The following PNPLA8 variants were observed in gnomAD, a reference collection of about 807,000 sequenced individuals.
PNPLA8 encodes the protein calcium-independent phospholipase A2-gamma.
A neutral mutation model predicts 76.9 loss-of-function variants in PNPLA8; 39 were observed. That is an observed-to-expected ratio of 0.51 (90% confidence interval 0.39 to 0.66). The LOEUF (loss-of-function observed/expected upper bound fraction) is 0.66. Among genes scored for constraint, PNPLA8 ranks in the 30% least tolerant of loss-of-function variants. PNPLA8 has a pLI of 0.00. For synonymous variants in PNPLA8, 301 were observed against 307.9 expected (o/e 0.98, Z 0.24); for missense variants, 887 against 918.0 (o/e 0.97, Z 0.44).
chr7:108,502,055 A>T (rs1861988382), intron 5 of PNPLA8, among the ~76,000 whole-genome samples: 1 of 152,178 alleles, frequency 6.6e-6, no homozygotes, highest in Non-Finnish European at 1.5e-5. Context: ...ATTAATTAAA[A>T]CAATTTCATG....
At chr7:108,480,111 A>C (rs1860290015) in intron 9 of PNPLA8, among the ~76,000 whole-genome samples, 1 of 152,216 alleles carries the variant, frequency 6.6e-6, no homozygotes, top group African/African-American at 2.4e-5. Flanking sequence ...TCATGCCTGT[A>C]ATCTCAGCAC....
At chr7:108,474,755 T>C (rs991731500) in intron 10 of PNPLA8, among the ~76,000 whole-genome samples, 1 of 152,240 alleles carries the variant, frequency 6.6e-6, no homozygotes, top group Non-Finnish European at 1.5e-5. Context: ...TATAAATCAA[T>C]TTCTGGACTC....
chr7:108,510,112 G>T, intron 4 of PNPLA8: 1 of 542,716 alleles, frequency 1.8e-6, no homozygotes, highest in Non-Finnish European at 3.2e-6. Flanking sequence ...CACCAGCATG[G>T]CACATGTATA....
intron 8 of PNPLA8, among the ~76,000 whole-genome samples, chr7:108,489,353 C>T (rs1412630533): frequency 1.3e-5 from 2 of 152,198 alleles, no homozygotes; most frequent in African/African-American, 4.8e-5. Flanking sequence ...AGGCACTAAT[C>T]TTTAAGAACT....
intron 2 of PNPLA8, among the ~76,000 whole-genome samples, chr7:108,516,168 A>G (rs1863329597): frequency 6.6e-6 from 1 of 152,242 alleles, no homozygotes; most frequent in African/African-American, 2.4e-5. Flanking sequence ...ACTACAGCAT[A>G]TAACATAGAA....
chr7:108,497,316 C>T (rs535032651), intron 6 of PNPLA8, among the ~76,000 whole-genome samples, 167 bp downstream of exon 6: 1 of 152,232 alleles, frequency 6.6e-6, no homozygotes, highest in South Asian at 2.1e-4. Context: ...ACCTAGTGTG[C>T]CTAACTGGCA....
intron 2 of PNPLA8, among the ~76,000 whole-genome samples, chr7:108,519,444 T>C (rs1174220045): frequency 2.6e-5 from 4 of 151,948 alleles, no homozygotes; most frequent in Admixed American, 6.6e-5. Context: ...TGTGCAGAGA[T>C]TACATGTAGT....
At chr7:108,526,925 A>G (rs1263294779), upstream of PNPLA8, among the ~76,000 whole-genome samples, 1 of 152,212 alleles carries the variant, frequency 6.6e-6, no homozygotes, top group Non-Finnish European at 1.5e-5. Context: ...ATTATATGAC[A>G]TTCATATTTG....
Position 108,471,208 on chromosome 7 carries a change from T to C in PNPLA8, c.*1193A>G, listed in dbSNP as rs1859607595. 1 of 148,858 alleles carries C rather than the reference T, an allele frequency of 6.7e-6. No individual in the cohort carries two copies. The highest frequency in any genetic ancestry group is 6.8e-5 in the Admixed American group (1 of 14,646). 9.2% of individuals were successfully genotyped at this position (148,858 alleles called of 1,614,324 possible). A position where few individuals can be genotyped will look rare whatever the true frequency, so the allele number is the denominator to read the frequency against. On this transcript the variant is annotated 3_prime_UTR_variant, in exon 11 of 11. Transcript: ENST00000257694. ...GTTAATAAGGTAAAACAAGCCTAACTTCTTCTTTTTTTTTTTTTTTTTTTT... is the reference window on the plus strand; with the variant it reads ...GTTAATAAGGTAAAACAAGCCTAACCTCTTCTTTTTTTTTTTTTTTTTTTT...
In PNPLA8 at chr7:108,514,194, G is replaced by T; in HGVS notation, c.1156C>A (p.Leu386Met). The T allele has an allele frequency of 1.2e-6, 2 of 1,609,064 alleles. No homozygotes were observed. Among genetic ancestry groups the T allele is most frequent in the Non-Finnish European group, 1.7e-6 (2 of 1,175,942 alleles). Residue 386 changes from leucine to methionine, a missense_variant, in exon 4 of 11, where the codon CTG (leucine) becomes ATG (methionine). Physicochemically the swap from Leu to Met is conservative, Grantham distance 15. Coordinates refer to ENST00000257694, the MANE Select transcript of PNPLA8 (RefSeq NM_001256007.3). Reference protein sequence around the residue: ...PKLCITRVEELTFHLLEFPEG... With the variant: ...PKLCITRVEEMTFHLLEFPEG... ...GGAAATTCTAGAAGATGAAAAGTCAGTTCTTCAACCCTAGTAATGCAGAGC... is the reference window on the plus strand; with the variant it reads ...GGAAATTCTAGAAGATGAAAAGTCATTTCTTCAACCCTAGTAATGCAGAGC...
intron 9 of PNPLA8, among the ~76,000 whole-genome samples, chr7:108,486,155 T>C (rs1413494299): frequency 3.9e-5 from 6 of 152,020 alleles, no homozygotes; most frequent in Non-Finnish European, 5.9e-5. Flanking sequence ...TTCTTTTGGA[T>C]AAAGAATAAA....
intron 4 of PNPLA8, among the ~76,000 whole-genome samples, chr7:108,512,113 A>T (rs180719868): frequency 2.0e-5 from 3 of 152,342 alleles, no homozygotes. Context: ...AGTAACCACC[A>T]CACGGAGGTT....
rs1419137664 is a variant in PNPLA8 at position 108,524,002 on chromosome 7, G to A, written c.-130+2027C>T. The stretch of plus-strand genomic sequence containing the variant: ...TTGCGAATATGAGAAAACTGTGAAG[G>A]GGACAATTTAATAGGAGAGAAAAAC... On this transcript the variant is annotated intron_variant, in intron 1 of 10. Coordinates refer to ENST00000257694, the MANE Select transcript of PNPLA8 (RefSeq NM_001256007.3). Among the ~76,000 whole-genome samples the A allele has an allele frequency of 3.3e-5, 5 of 152,268 alleles. No homozygotes were observed. In the South Asian group the frequency reaches 1.0e-3, roughly 32 times the overall value.
intron 10 of PNPLA8, among the ~76,000 whole-genome samples, chr7:108,477,439 G>C (rs1202391168): frequency 1.3e-5 from 2 of 152,072 alleles, no homozygotes; most frequent in Non-Finnish European, 2.9e-5. Flanking sequence ...TAATGACTTG[G>C]CCAATAATAT....
At chr7:108,518,720 AATATATATAT>A (rs148834592) in intron 2 of PNPLA8, among the ~76,000 whole-genome samples, 2,423 of 123,936 alleles carry the variant, frequency 0.02, 58 homozygotes, top group African/African-American at 0.06. Context: ...TATGCACATG[AATATATATAT>A]ATATATATAT....
At chr7:108,491,247 T>C (rs899803376) in intron 8 of PNPLA8, among the ~76,000 whole-genome samples, 163 bp downstream of exon 8, 8 of 152,144 alleles carry the variant, frequency 5.3e-5, no homozygotes, top group African/African-American at 1.7e-4. Flanking sequence ...ACGGAGGTTA[T>C]GGTGAGCCGA....
intron 7 of PNPLA8, 54 bp from the exon 8 acceptor site, chr7:108,491,521 A>AT (rs1861167316): frequency 1.9e-6 from 2 of 1,079,722 alleles, no homozygotes; most frequent in African/African-American, 3.1e-5. Context: ...ATCTCCTAAC[A>AT]ACCAGGAAAC....
Position 108,514,469 on chromosome 7 carries a change from C to A in PNPLA8, c.1023G>T (p.Glu341Asp). Residue 341 changes from glutamate to aspartate, a missense_variant, in exon 3 of 11, where the codon GAG (glutamate) becomes GAT (aspartate). Coordinates refer to ENST00000257694, the MANE Select transcript of PNPLA8 (RefSeq NM_001256007.3). ...DQAVSKDRNA[E>D]EKKRLSLQRE... ...GCTGAAGAGATAAACGCTTTTTCTC[C>A]TCTGCATTTCTGTCTTTGCTGACAG... 6.2e-7 allele frequency: 1 copy of A among 1,611,972 alleles called. No individual in the cohort carries two copies.
At position 108,515,289 on chromosome 7, in the gene PNPLA8, C is replaced by T. The variant is rs1467664588; in HGVS notation, c.203G>A (p.Ser68Asn). The T allele has an allele frequency of 6.2e-7, 1 of 1,610,058 alleles. No homozygotes were observed. The highest frequency in any genetic ancestry group is 8.5e-7 in the Non-Finnish European group (1 of 1,178,318). ...KWTKSEAHSC[S>N]KHCYSPSNHG... The stretch of plus-strand genomic sequence containing the variant: ...GTTGCTTGGAGAGTAACAGTGCTTA[C>T]TGCAAGAATGTGCTTCACTTTTGGT... Residue 68 changes from serine to asparagine, a missense_variant, in exon 3 of 11, where the codon AGT (serine) becomes AAT (asparagine). Transcript: ENST00000257694.
Sources: gnomAD v4.1 joint callset for allele counts (sites outside exome capture counted in the v4.1 genomes callset) on GRCh38, gnomAD v4.1.1 for gene constraint, MANE v1.5 for transcripts, NCBI Gene and HGNC (gene_info 2026-07-23, HGNC 2026-07-21) for gene names.